Variants in ZDHHC17 observed in about 807,000 individuals in gnomAD.
ZDHHC17 encodes the protein palmitoyltransferase ZDHHC17.
In ZDHHC17, 40 loss-of-function variants were observed where a neutral mutation model predicts 90.3. The observed-to-expected ratio is 0.44, with a 90% CI of 0.34 to 0.58. The LOEUF (loss-of-function observed/expected upper bound fraction) is 0.58. Ranked by LOEUF, ZDHHC17 falls within the 20% of genes least tolerant of loss-of-function variation. The pLI is 0.01. For missense variants in ZDHHC17, 614 were observed against 780.8 expected, an observed-to-expected ratio of 0.79 and a Z score of 2.55; for synonymous variants, 235 against 252.4, an observed-to-expected ratio of 0.93 and a Z score of 0.65.
intron 1 of ZDHHC17, among the ~76,000 whole-genome samples, chr12:76,790,210 A>G (rs1952743784): frequency 6.6e-6 from 1 of 152,132 alleles, no homozygotes; most frequent in Admixed American, 6.6e-5. Context: ...ATTTACTTAA[A>G]TGTTCATCAG....
chr12:76,813,263 A>G (rs1953046831), intron 5 of ZDHHC17: 1 of 407,074 alleles, frequency 2.5e-6, no homozygotes, highest in African/African-American at 2.1e-5. Flanking sequence ...CATATAAGAA[A>G]TAAGGAAGTT....
rs79641711 is a variant in ZDHHC17, at chr12:76,767,927, A to G, written c.93+3598A>G. 4.3e-3 allele frequency among the ~76,000 whole-genome samples: 649 copies of G among 152,212 alleles called. 1 individual carries two copies. Among genetic ancestry groups the G allele is most frequent in the Non-Finnish European group, 6.9e-3 (469 of 67,988 alleles). On this transcript the variant is annotated intron_variant, in intron 1 of 16. Coordinates refer to ENST00000426126, the MANE Select transcript of ZDHHC17 (RefSeq NM_015336.4). ...ACTCTCTTAAAAAAAAAAAAAATCC[A>G]AAGCTGTGGTGACAAACTGAAAATG... is the stretch of plus-strand genomic sequence containing the variant.
intron 13 of ZDHHC17, chr12:76,846,221 T>G: frequency 4.2e-6 from 1 of 240,066 alleles, no homozygotes; most frequent in Non-Finnish European, 8.0e-6. Context: ...TTTTATGAGG[T>G]GACAGGAAAC....
chr12:76,839,823 G>A (rs1369755008), intron 10 of ZDHHC17, among the ~76,000 whole-genome samples: 1 of 152,126 alleles, frequency 6.6e-6, no homozygotes, highest in Non-Finnish European at 1.5e-5. Flanking sequence ...TTATAAACTG[G>A]TATATCTTGC....
intron 6 of ZDHHC17, 25 bp from the exon 7 acceptor site, chr12:76,815,832 T>G: frequency 6.9e-7 from 1 of 1,453,302 alleles, no homozygotes; most frequent in Non-Finnish European, 9.1e-7. Flanking sequence ...TGTTGTTGTT[T>G]GTTTTTTTTT....
intron 12 of ZDHHC17, chr12:76,844,292 G>C: frequency 6.6e-6 from 1 of 152,118 alleles, no homozygotes; most frequent in East Asian, 1.9e-4. Context: ...TTGTTGTAAA[G>C]AAGATTTCCT....
chr12:76,809,911 A>G (rs1952999598), intron 5 of ZDHHC17, 54 bp downstream of exon 5: 1 of 1,553,220 alleles, frequency 6.4e-7, no homozygotes, highest in East Asian at 2.3e-5. Context: ...CATAGTTTAA[A>G]TGCCTAATAT....
At chr12:76,771,916 C>T (rs1208183371) in intron 1 of ZDHHC17, among the ~76,000 whole-genome samples, 1 of 152,176 alleles carries the variant, frequency 6.6e-6, no homozygotes, top group Non-Finnish European at 1.5e-5. Flanking sequence ...TCAAACACAA[C>T]TGGAACCTGA....
At position 76,819,136 on chromosome 12, in the gene ZDHHC17, C is replaced by T. The variant is rs75850202; in HGVS notation, c.771+3117C>T. On this transcript the variant is annotated intron_variant, in intron 7 of 16. Transcript: ENST00000426126. ...TTAGGTTTTGTTTTGGGTAACTGAGCGTCTTGTGATATCATATGTTGAGAT... is the reference window on the plus strand; with the variant it reads ...TTAGGTTTTGTTTTGGGTAACTGAGTGTCTTGTGATATCATATGTTGAGAT... 1.7e-3 allele frequency among the ~76,000 whole-genome samples: 261 copies of T among 152,184 alleles called. 8 individuals carry two copies. In the East Asian group the frequency reaches 0.044, roughly 26 times the overall value.
chr12:76,785,675 G>T (rs1302841861), intron 1 of ZDHHC17, among the ~76,000 whole-genome samples: 1 of 152,162 alleles, frequency 6.6e-6, no homozygotes, highest in Non-Finnish European at 1.5e-5. Context: ...CTCTTGAATT[G>T]TGAATTGAAT....
intron 1 of ZDHHC17, among the ~76,000 whole-genome samples, chr12:76,780,653 A>G (rs923825885): frequency 6.6e-6 from 1 of 152,130 alleles, no homozygotes; most frequent in Non-Finnish European, 1.5e-5. Context: ...CCACTTTCCA[A>G]GTAATGTGAC....
At chr12:76,823,254 A>C (rs911982860) in intron 8 of ZDHHC17, among the ~76,000 whole-genome samples, 1 of 152,212 alleles carries the variant, frequency 6.6e-6, no homozygotes, top group Non-Finnish European at 1.5e-5. Context: ...AACTACTCAC[A>C]ACTCCAGCTC....
chr12:76,815,973 G>A lies in ZDHHC17; in HGVS notation c.725G>A (p.Ser242Asn). 6.4e-7 allele frequency: 1 copy of A among 1,571,860 alleles called. No individual in the cohort carries two copies. The highest frequency in any genetic ancestry group is 8.6e-7 in the Non-Finnish European group (1 of 1,158,210). The change falls in exon 7 of 17, where the codon AGC becomes AAC. Residue 242 changes from serine to asparagine, a missense_variant. Physicochemically the swap from Ser to Asn is conservative, Grantham distance 46 (BLOSUM62 1). Around this residue, in one of 5 missense-constraint regions of ZDHHC17, gnomAD observed 358 missense variants for 380.4 expected, o/e 0.94. Transcript: ENST00000426126. ...AVLAGNTTVI[S>N]LLLEAGANVD... is the part of the protein sequence containing the mutation. ...CTAGCAGGGAATACCACAGTCATTA[G>A]CCTTCTTCTGGAAGCTGGAGCTAAT...
chr12:76,776,545 A>T (rs1170574913), intron 1 of ZDHHC17, among the ~76,000 whole-genome samples: 1 of 152,124 alleles, frequency 6.6e-6, no homozygotes, highest in Non-Finnish European at 1.5e-5. Flanking sequence ...TATTTTTCTG[A>T]ATACAATTTG....
intron 2 of ZDHHC17, among the ~76,000 whole-genome samples, chr12:76,803,097 C>T (rs1952911180): frequency 6.6e-6 from 1 of 151,444 alleles, no homozygotes; most frequent in African/African-American, 2.4e-5. Flanking sequence ...ACTAAAAGTA[C>T]AAAAAAAGAG....
intron 1 of ZDHHC17, among the ~76,000 whole-genome samples, chr12:76,783,726 A>G (rs1170908710): frequency 6.6e-6 from 1 of 152,264 alleles, no homozygotes; most frequent in Admixed American, 6.5e-5. Context: ...TTACCTTATC[A>G]GGAAAAAGAG....
intron 1 of ZDHHC17, among the ~76,000 whole-genome samples, chr12:76,774,432 T>TAGTCTC (rs1447961891): frequency 6.7e-6 from 1 of 149,052 alleles, no homozygotes; most frequent in African/African-American, 2.5e-5. Flanking sequence ...TGGAGATGAG[T>TAGTCTC]AGTCTCAGTA....
chr12:76,826,519 A>G (rs1592490405), intron 8 of ZDHHC17, among the ~76,000 whole-genome samples: 1 of 152,288 alleles, frequency 6.6e-6, no homozygotes, highest in East Asian at 1.9e-4. Context: ...CTTATGTGTT[A>G]TAATTCTTAT....
intron 3 of ZDHHC17, among the ~76,000 whole-genome samples, chr12:76,808,460 A>G (rs1210966753): frequency 6.6e-6 from 1 of 152,134 alleles, no homozygotes; most frequent in Non-Finnish European, 1.5e-5. Flanking sequence ...GTGAGATGCT[A>G]TCTTTCTCTC....
Sources: gnomAD v4.1 joint callset for allele counts (sites outside exome capture counted in the v4.1 genomes callset) on GRCh38, gnomAD v4.1.1 for gene constraint, gnomAD v4.1.1 regional missense constraint, MANE v1.5 for transcripts, NCBI Gene and HGNC (gene_info 2026-07-23, HGNC 2026-07-21) for gene names.